Variants in KCNMA1 observed in about 807,000 individuals in gnomAD.
KCNMA1 encodes Calcium-activated potassium channel subunit alpha-1.
In KCNMA1, 29 loss-of-function variants were observed where a neutral mutation model predicts 140.0. The observed-to-expected ratio is 0.21, with a 90% CI of 0.15 to 0.28. The LOEUF (loss-of-function observed/expected upper bound fraction) is 0.28. Among genes scored for constraint, KCNMA1 ranks in the 10% least tolerant of loss-of-function variants. KCNMA1 has a pLI of 1.00. For synonymous variants in KCNMA1, 612 were observed against 611.9 expected (o/e 1.00, Z 0.00); for missense variants, 880 against 1,602.2 (o/e 0.55, Z 7.70).
At chr10:77,575,372 C>A (rs1481513004) in intron 1 of KCNMA1, among the ~76,000 whole-genome samples, 1 of 152,176 alleles carries the variant, frequency 6.6e-6, no homozygotes, top group African/African-American at 2.4e-5. Flanking sequence ...AGCAGGTTAT[C>A]GTCTTTACAG....
chr10:77,582,778 A>AG (rs1292816696), intron 1 of KCNMA1, among the ~76,000 whole-genome samples: 1 of 152,202 alleles, frequency 6.6e-6, no homozygotes. Flanking sequence ...TTGGTGGTGG[A>AG]GGCCTTGGCA....
chr10:77,038,693 C>A (rs752707636), intron 15 of KCNMA1, among the ~76,000 whole-genome samples: 1 of 152,156 alleles, frequency 6.6e-6, no homozygotes, highest in Non-Finnish European at 1.5e-5. Flanking sequence ...GTGTGTGCCA[C>A]CACACTCGGC....
intron 1 of KCNMA1, among the ~76,000 whole-genome samples, chr10:77,452,073 G>A (rs540053268): frequency 2.8e-4 from 42 of 152,318 alleles, no homozygotes; most frequent in Admixed American, 2.0e-3. Flanking sequence ...CATTCCAAGA[G>A]AGCAAAGTGC....
At chr10:77,199,087 G>A (rs1440065140) in intron 3 of KCNMA1, among the ~76,000 whole-genome samples, 4 of 152,038 alleles carry the variant, frequency 2.6e-5, no homozygotes, top group East Asian at 1.9e-4. Flanking sequence ...GATTCCTCCC[G>A]ACACTACCTT....
At chr10:77,635,337 C>T (rs1345052503) in intron 1 of KCNMA1, 5 of 152,200 alleles carry the variant, frequency 3.3e-5, no homozygotes. Context: ...AACACCACAA[C>T]TTATTTTCAA....
intron 1 of KCNMA1, among the ~76,000 whole-genome samples, chr10:77,450,136 A>G (rs1362410407): frequency 1.3e-5 from 2 of 151,644 alleles, no homozygotes; most frequent in East Asian, 3.9e-4. Flanking sequence ...GCTCACTTCA[A>G]CCTTTGTCTC....
chr10:76,935,958 C>T (rs1239855392), intron 23 of KCNMA1, among the ~76,000 whole-genome samples: 1 of 152,228 alleles, frequency 6.6e-6, no homozygotes, highest in Non-Finnish European at 1.5e-5. Context: ...GTCCAAGTTT[C>T]TCAGTCTCTT....
chr10:77,627,445 G>A (rs1730823259), intron 1 of KCNMA1, among the ~76,000 whole-genome samples: 1 of 152,130 alleles, frequency 6.6e-6, no homozygotes, highest in Admixed American at 6.5e-5. Context: ...ACCTCAGAAG[G>A]CAAACTTCAA....
chr10:76,884,923 A>G lies in KCNMA1; in HGVS notation c.*2343T>C. Reference sequence around the variant, plus strand: ...TTTTAATTTCACAAAAGTTTTCACAAGGACAACGTTATAGAAGAAAACCCC... The same window carrying G: ...TTTTAATTTCACAAAAGTTTTCACAGGGACAACGTTATAGAAGAAAACCCC... On this transcript the variant is annotated 3_prime_UTR_variant, in exon 28 of 28. Coordinates refer to ENST00000286628, the MANE Select transcript of KCNMA1 (RefSeq NM_001161352.2). The G allele has an allele frequency of 2.0e-6, 3 of 1,480,026 alleles. No individual in the cohort carries two copies. Among genetic ancestry groups the G allele is most frequent in the Non-Finnish European group, 2.7e-6 (3 of 1,118,792 alleles). 91.7% of individuals were successfully genotyped at this position (1,480,026 alleles called of 1,614,324 possible). A position where few individuals can be genotyped will look rare whatever the true frequency, so the allele number is the denominator to read the frequency against.
intron 21 of KCNMA1, among the ~76,000 whole-genome samples, chr10:76,953,576 T>C (rs536261300): frequency 3.7e-4 from 57 of 152,366 alleles, no homozygotes; most frequent in African/African-American, 1.3e-3. Context: ...AGTGCTCACC[T>C]ACTCTTATGA....
chr10:77,390,644 T>C (rs754530941), intron 2 of KCNMA1, among the ~76,000 whole-genome samples: 3 of 152,178 alleles, frequency 2.0e-5, no homozygotes, highest in Non-Finnish European at 4.4e-5. Context: ...TATAATTAGC[T>C]CTGGACAGAC....
intron 1 of KCNMA1, among the ~76,000 whole-genome samples, chr10:77,454,389 A>C (rs545756643): frequency 1.3e-5 from 2 of 152,212 alleles, no homozygotes; most frequent in Non-Finnish European, 2.9e-5. Context: ...GAGAAAAAAA[A>C]CAGAAATGCT....
chr10:77,161,937 A>G (rs1427282366), intron 5 of KCNMA1, among the ~76,000 whole-genome samples: 2 of 152,254 alleles, frequency 1.3e-5, no homozygotes, highest in African/African-American at 4.8e-5. Context: ...TACCATGCAC[A>G]ACAAGCAGAG....
At chr10:77,343,774 G>T (rs2091542147) in intron 2 of KCNMA1, among the ~76,000 whole-genome samples, 1 of 152,162 alleles carries the variant, frequency 6.6e-6, no homozygotes, top group African/African-American at 2.4e-5. Flanking sequence ...GGAGGAAAAG[G>T]TAACTTTAAG....
chr10:77,075,481 A>C (rs922392611), intron 13 of KCNMA1, among the ~76,000 whole-genome samples: 1 of 152,212 alleles, frequency 6.6e-6, no homozygotes, highest in African/African-American at 2.4e-5. Context: ...GGCACCTTCA[A>C]ACAAACAAGC....
intron 1 of KCNMA1, among the ~76,000 whole-genome samples, chr10:77,600,312 A>G (rs1359844346): frequency 1.3e-5 from 2 of 152,208 alleles, no homozygotes; most frequent in Admixed American, 6.5e-5. Context: ...ATCAAAAGGT[A>G]ATGGAGGAGG....
chr10:77,222,053 C>A (rs910103612), intron 3 of KCNMA1, among the ~76,000 whole-genome samples: 1 of 152,060 alleles, frequency 6.6e-6, no homozygotes, highest in Non-Finnish European at 1.5e-5. Flanking sequence ...CAAAATAATA[C>A]GAGAAAGCAC....
At chr10:77,254,573 A>G (rs573784972) in intron 2 of KCNMA1, among the ~76,000 whole-genome samples, 1 of 152,290 alleles carries the variant, frequency 6.6e-6, no homozygotes, top group South Asian at 2.1e-4. Context: ...ATCCCATGCT[A>G]TTATGCAATT....
At chr10:77,309,646 C>T (rs1022819598) in intron 2 of KCNMA1, 1 of 152,214 alleles carries the variant, frequency 6.6e-6, no homozygotes, top group Admixed American at 6.5e-5. Flanking sequence ...TTTCCCCCTA[C>T]CCACCTCCCT....
Sources: gnomAD v4.1 joint callset for allele counts (sites outside exome capture counted in the v4.1 genomes callset) on GRCh38, gnomAD v4.1.1 for gene constraint, MANE v1.5 for transcripts, NCBI Gene and HGNC (gene_info 2026-07-23, HGNC 2026-07-21) for gene names.